Variants in WDR70 observed in about 807,000 individuals in gnomAD.
The protein encoded by WDR70 is WD repeat-containing protein 70.
In WDR70, 53 loss-of-function variants were observed where a neutral mutation model predicts 88.6. That is an observed-to-expected ratio of 0.60 (90% CI 0.48 to 0.75). The LOEUF is 0.75. WDR70 is among the 30% of genes least tolerant of loss of function. WDR70 has a pLI of 0.00. For missense variants in WDR70, 610 were observed against 823.2 expected (o/e 0.74, Z 3.17); for synonymous variants, 280 against 270.0 (o/e 1.04, Z -0.36).
intron 7 of WDR70, among the ~76,000 whole-genome samples, chr5:37,468,006 G>A (rs1426665782): frequency 2.0e-5 from 3 of 151,926 alleles, no homozygotes; most frequent in Non-Finnish European, 2.9e-5. Context: ...GAGCCACCGC[G>A]CCTGGCCTAA....
At chr5:37,590,733 G>A (rs1561914082) in intron 9 of WDR70, among the ~76,000 whole-genome samples, 1 of 152,122 alleles carries the variant, frequency 6.6e-6, no homozygotes, top group African/African-American at 2.4e-5. Flanking sequence ...CTAGAAGCTT[G>A]AAAAGGCTAC....
intron 7 of WDR70, among the ~76,000 whole-genome samples, chr5:37,473,233 TC>T (rs202222889): frequency 2.9e-5 from 1 of 34,348 alleles, no homozygotes; most frequent in African/African-American, 3.5e-5. Flanking sequence ...GTCTTTTTAT[TC>T]TTTTTTTTTT....
intron 9 of WDR70, among the ~76,000 whole-genome samples, chr5:37,553,876 C>A (rs747419714): frequency 6.6e-6 from 1 of 152,142 alleles, no homozygotes; most frequent in African/African-American, 2.4e-5. Flanking sequence ...TGGGATTGTG[C>A]GAGCATTAAT....
At chr5:37,398,639 A>G (rs914366325) in intron 5 of WDR70, among the ~76,000 whole-genome samples, 4 of 152,294 alleles carry the variant, frequency 2.6e-5, no homozygotes, top group African/African-American at 9.6e-5. Flanking sequence ...TTTCATATGA[A>G]ATAACAGATC....
chr5:37,608,417 T>C (rs1356445329), intron 10 of WDR70, among the ~76,000 whole-genome samples: 1 of 152,124 alleles, frequency 6.6e-6, no homozygotes, highest in Non-Finnish European at 1.5e-5. Context: ...AATTTCTTCT[T>C]CTCAGCAAGA....
chr5:37,519,432 C>T (rs878990935), intron 9 of WDR70, among the ~76,000 whole-genome samples: 29 of 147,524 alleles, frequency 2.0e-4, no homozygotes, highest in Admixed American at 1.5e-3. Flanking sequence ...GGCGGCCGGG[C>T]GGAGGCGCTC....
intron 8 of WDR70, among the ~76,000 whole-genome samples, chr5:37,481,057 A>C (rs1739649553): frequency 6.6e-6 from 1 of 152,230 alleles, no homozygotes; most frequent in African/African-American, 2.4e-5. Context: ...CATGTGTCAC[A>C]TCCAGGTGAT....
chr5:37,388,548 T>C (rs1748702632), intron 3 of WDR70, among the ~76,000 whole-genome samples: 1 of 148,726 alleles, frequency 6.7e-6, no homozygotes, highest in African/African-American at 2.5e-5. Flanking sequence ...GAGACCAGCC[T>C]GGCCAACATG....
intron 10 of WDR70, among the ~76,000 whole-genome samples, chr5:37,647,404 TC>T (rs1745269085): frequency 6.6e-6 from 1 of 152,228 alleles, no homozygotes; most frequent in African/African-American, 2.4e-5. Context: ...GGCAATGTTT[TC>T]CTGGGTGGTT....
At chr5:37,732,788 T>G (rs1456727764) in intron 17 of WDR70, among the ~76,000 whole-genome samples, 1 of 152,042 alleles carries the variant, frequency 6.6e-6, no homozygotes, top group Non-Finnish European at 1.5e-5. Flanking sequence ...CAGTTAATCG[T>G]TTTTTATTTT....
intron 10 of WDR70, among the ~76,000 whole-genome samples, chr5:37,690,817 C>A (rs1746768994): frequency 6.6e-6 from 1 of 152,114 alleles, no homozygotes; most frequent in Non-Finnish European, 1.5e-5. Context: ...GACAGAATAA[C>A]CAGCTAACAT....
chr5:37,647,827 A>G (rs548990094), intron 10 of WDR70, among the ~76,000 whole-genome samples: 27 of 152,318 alleles, frequency 1.8e-4, no homozygotes, highest in African/African-American at 6.3e-4. Context: ...CACCACTGGG[A>G]CTGTGCTTGG....
chr5:37,616,318 G>C (rs1017322901), intron 10 of WDR70, among the ~76,000 whole-genome samples: 1 of 152,028 alleles, frequency 6.6e-6, no homozygotes, highest in Non-Finnish European at 1.5e-5. Context: ...ATGTTGGCCA[G>C]GCTGGTCTCG....
intron 10 of WDR70, among the ~76,000 whole-genome samples, chr5:37,652,240 G>C (rs1171406761): frequency 6.6e-6 from 1 of 152,214 alleles, no homozygotes; most frequent in African/African-American, 2.4e-5. Context: ...TCAAAGATCA[G>C]ATGGTTGTAG....
At chr5:37,716,210 A>C (rs1049106047) in intron 13 of WDR70, among the ~76,000 whole-genome samples, 1 of 152,216 alleles carries the variant, frequency 6.6e-6, no homozygotes, top group Non-Finnish European at 1.5e-5. Context: ...GTTTCAACAT[A>C]ATCATGTTTA....
At chr5:37,395,915 C>G (rs1748996910) in intron 4 of WDR70, among the ~76,000 whole-genome samples, 1 of 152,184 alleles carries the variant, frequency 6.6e-6, no homozygotes, top group Admixed American at 6.6e-5. Flanking sequence ...ATCCTACCAC[C>G]TCAGCCTCCT....
intron 10 of WDR70, among the ~76,000 whole-genome samples, chr5:37,687,260 T>C (rs1210173896): frequency 1.3e-5 from 2 of 152,182 alleles, no homozygotes; most frequent in African/African-American, 4.8e-5. Flanking sequence ...TAAGGTGAAG[T>C]TAATAATTGA....
intron 10 of WDR70, among the ~76,000 whole-genome samples, chr5:37,659,423 T>A (rs919735188): frequency 4.6e-5 from 7 of 152,208 alleles, no homozygotes; most frequent in Non-Finnish European, 7.4e-5. Flanking sequence ...TTTTTTTTAT[T>A]TCTACTGTTT....
At chr5:37,587,202 C>T (rs1365950661) in intron 9 of WDR70, among the ~76,000 whole-genome samples, 1 of 152,118 alleles carries the variant, frequency 6.6e-6, no homozygotes, top group Non-Finnish European at 1.5e-5. Context: ...AGTGGCTTCA[C>T]AGTCTCCTAG....
Sources: gnomAD v4.1 joint callset for allele counts (sites outside exome capture counted in the v4.1 genomes callset) on GRCh38, gnomAD v4.1.1 for gene constraint, MANE v1.5 for transcripts, NCBI Gene and HGNC (gene_info 2026-07-23, HGNC 2026-07-21) for gene names.